SLC25A12: variants seen among roughly 807,000 people sequenced by gnomAD.
SLC25A12 encodes electrogenic aspartate/glutamate antiporter SLC25A12, mitochondrial.
A neutral mutation model predicts 83.3 loss-of-function variants in SLC25A12; 32 were observed. The ratio of observed to expected loss-of-function variants is 0.38; its 90% confidence interval spans 0.29 to 0.52. The LOEUF is 0.52. Among genes scored for constraint, SLC25A12 ranks in the 20% least tolerant of loss-of-function variants. The pLI is 0.84. For synonymous variants in SLC25A12, 267 were observed against 291.1 expected (o/e 0.92, Z 0.84); for missense variants, 611 against 835.6 (o/e 0.73, Z 3.31).
chr2:171,835,831 A>G (rs1212546735), intron 6 of SLC25A12, among the ~76,000 whole-genome samples: 5 of 151,758 alleles, frequency 3.3e-5, no homozygotes, highest in African/African-American at 9.7e-5. Flanking sequence ...AATACAGTTT[A>G]TATTTGTGTT....
At chr2:171,801,149 AG>A (rs1448389741) in intron 13 of SLC25A12, among the ~76,000 whole-genome samples, 1 of 152,240 alleles carries the variant, frequency 6.6e-6, no homozygotes, top group Non-Finnish European at 1.5e-5. Flanking sequence ...AAAGGAAGGA[AG>A]GAAAGAGGCA....
chr2:171,892,112 C>A (rs1051408481), intron 2 of SLC25A12, among the ~76,000 whole-genome samples: 2 of 152,208 alleles, frequency 1.3e-5, no homozygotes, highest in Non-Finnish European at 2.9e-5. Context: ...ACAGCAGGGA[C>A]CTGCCCAAGG....
intron 2 of SLC25A12, among the ~76,000 whole-genome samples, chr2:171,888,111 T>G (rs1574010151): frequency 6.7e-6 from 1 of 149,220 alleles, no homozygotes; most frequent in Non-Finnish European, 1.5e-5. Context: ...TTTTTTTTTT[T>G]GGAGACAAAG....
rs182156823 is a variant in SLC25A12, at chr2:171,800,411, C to A, written c.1306-6644G>T. Among the ~76,000 whole-genome samples, 186 of 151,882 alleles carry A rather than the reference C, an allele frequency of 1.2e-3. 3 individuals are homozygous for A. Among genetic ancestry groups the A allele is most frequent in the Non-Finnish European group, 2.0e-3 (139 of 67,922 alleles). Reference sequence around the variant, plus strand: ...AACATCTTTAGGAATCAGAAGAATGCAAATTTAAACCACAATAAGATACTA... The same window carrying A: ...AACATCTTTAGGAATCAGAAGAATGAAAATTTAAACCACAATAAGATACTA... On this transcript the variant is annotated intron_variant, in intron 13 of 17. Transcript: ENST00000422440.
intron 13 of SLC25A12, among the ~76,000 whole-genome samples, chr2:171,796,699 G>A (rs1683604055): frequency 6.6e-6 from 1 of 151,884 alleles, no homozygotes; most frequent in South Asian, 2.1e-4. Context: ...ATAGGCCTAG[G>A]AACATAAGGC....
chr2:171,809,750 G>A, intron 12 of SLC25A12, 64 bp from the exon 13 acceptor site: 1 of 1,156,288 alleles, frequency 8.6e-7, no homozygotes, highest in Non-Finnish European at 1.3e-6. Flanking sequence ...GCATACTGTT[G>A]CTTTTCCAAG....
At chr2:171,818,363 TC>T (rs780249717) in intron 9 of SLC25A12, among the ~76,000 whole-genome samples, 2 of 152,216 alleles carry the variant, frequency 1.3e-5, no homozygotes, top group Admixed American at 6.5e-5. Context: ...GAGTTGAGAA[TC>T]TTAAATGATT....
chr2:171,828,253 G>A (rs1402506720), intron 8 of SLC25A12, among the ~76,000 whole-genome samples: 2 of 152,226 alleles, frequency 1.3e-5, no homozygotes, highest in African/African-American at 4.8e-5. Context: ...CCAGAATGGG[G>A]AAGTACTCTT....
intron 5 of SLC25A12, among the ~76,000 whole-genome samples, chr2:171,837,925 A>C (rs1684591781): frequency 6.6e-6 from 1 of 152,210 alleles, no homozygotes; most frequent in African/African-American, 2.4e-5. Context: ...AGTCCAGAAT[A>C]TCTCTGAACT....
At chr2:171,804,543 G>T (rs1158078294) in intron 13 of SLC25A12, among the ~76,000 whole-genome samples, 2 of 152,106 alleles carry the variant, frequency 1.3e-5, no homozygotes, top group African/African-American at 4.8e-5. Context: ...TTATAAGCAT[G>T]AGCCACCACG....
intron 13 of SLC25A12, among the ~76,000 whole-genome samples, chr2:171,807,457 T>C (rs141828254): frequency 6.6e-6 from 1 of 152,314 alleles, no homozygotes; most frequent in East Asian, 1.9e-4. Context: ...TTAGGTCACA[T>C]GTCAGACATG....
intron 13 of SLC25A12, among the ~76,000 whole-genome samples, chr2:171,799,923 A>G (rs1346831534): frequency 6.6e-6 from 1 of 152,228 alleles, no homozygotes; most frequent in African/African-American, 2.4e-5. Flanking sequence ...TACTCTCTGA[A>G]AGAGGTAATG....
intron 15 of SLC25A12, among the ~76,000 whole-genome samples, chr2:171,790,351 C>T (rs1216223111): frequency 6.6e-6 from 1 of 152,218 alleles, no homozygotes; most frequent in Non-Finnish European, 1.5e-5. Context: ...CCCCTTCCTT[C>T]CTTTGTCTTT....
In SLC25A12 at chr2:171,853,588, G is replaced by C. The variant is rs556309363; in HGVS notation, c.325+2246C>G. Among the ~76,000 whole-genome samples the C allele has an allele frequency of 2.0e-4, 31 of 152,094 alleles. No individual in the cohort carries two copies. In the South Asian group the frequency reaches 6.0e-3, roughly 30 times the overall value. ...CCCAGGTACTCGGGAAGCTGAAGCAGAAGAATCGCTTGAACCCAGGAGGCA... is the reference window on the plus strand; with the variant it reads ...CCCAGGTACTCGGGAAGCTGAAGCACAAGAATCGCTTGAACCCAGGAGGCA... On this transcript the variant is annotated intron_variant, in intron 4 of 17. Coordinates refer to ENST00000422440, the MANE Select transcript of SLC25A12 (RefSeq NM_003705.5).
At chr2:171,805,018 G>T (rs550594820) in intron 13 of SLC25A12, among the ~76,000 whole-genome samples, 5 of 152,308 alleles carry the variant, frequency 3.3e-5, no homozygotes, top group Admixed American at 3.3e-4. Flanking sequence ...ACAAAACACT[G>T]AATTATACAC....
intron 13 of SLC25A12, among the ~76,000 whole-genome samples, chr2:171,799,802 T>C (rs933430885): frequency 2.6e-5 from 4 of 152,192 alleles, no homozygotes; most frequent in Non-Finnish European, 4.4e-5. Context: ...GGAAAGAACG[T>C]GTTCTCCAGA....
chr2:171,864,249 C>A (rs758231641), intron 3 of SLC25A12, among the ~76,000 whole-genome samples: 4 of 152,178 alleles, frequency 2.6e-5, no homozygotes, highest in Non-Finnish European at 4.4e-5. Context: ...AGAGCCTAGG[C>A]CCTGGAGGCT....
chr2:171,818,245 T>G (rs1169404279), intron 9 of SLC25A12, among the ~76,000 whole-genome samples: 2 of 152,018 alleles, frequency 1.3e-5, no homozygotes, highest in African/African-American at 4.8e-5. Flanking sequence ...GAAGATTGCC[T>G]GCCGTGAGCA....
intron 11 of SLC25A12, among the ~76,000 whole-genome samples, chr2:171,810,964 T>A (rs148449010): frequency 7.0e-4 from 106 of 152,214 alleles, no homozygotes; most frequent in African/African-American, 2.4e-3. Context: ...ACAAAGGAAA[T>A]CATAATCCTT....
Sources: allele counts gnomAD v4.1 joint callset (sites outside exome capture counted in the v4.1 genomes callset), GRCh38; gene constraint gnomAD v4.1.1; transcripts MANE v1.5; gene names NCBI Gene and HGNC (gene_info 2026-07-23, HGNC 2026-07-21).